Variants in CR1 observed in about 807,000 individuals in gnomAD.
CR1 encodes the protein complement receptor type 1.
Under a neutral mutation model 187.3 loss-of-function variants are expected in CR1, and 116 were observed. The ratio of observed to expected loss-of-function variants is 0.62; its 90% CI spans 0.53 to 0.72. The LOEUF is 0.72. Ranked by LOEUF, CR1 falls within the 30% of genes least tolerant of loss-of-function variation. CR1 has a pLI of 0.00. For synonymous variants in CR1, 576 were observed against 747.1 expected (o/e 0.77, Z 3.73); for missense variants, 1,731 against 2,110.7 (o/e 0.82, Z 3.52).
rs757543602 is a variant in CR1, at chr1:207,639,408, G to A, written c.7469G>A (p.Ter2490=). ...TNEENSRVLP[*] ...TCCTGTTATTTCAGGGTCCTTCCTTGACAAAGTACTATACAGCTGAAGAAC... is the reference window on the plus strand; with the variant it reads ...TCCTGTTATTTCAGGGTCCTTCCTTAACAAAGTACTATACAGCTGAAGAAC... The change falls in exon 47 of 47, where the codon TGA becomes TAA. Residue 2490 remains the stop codon, a stop_retained_variant. Coordinates refer to ENST00000367049, the MANE Select transcript of CR1 (RefSeq NM_000651.6). The A allele has an allele frequency of 2.5e-6, 4 of 1,598,632 alleles. No individual in the cohort carries two copies. The South Asian group carries it at 3.4e-5, about 14-fold the overall frequency.
chr1:207,589,862 A>T (rs640486), intron 35 of CR1, among the ~76,000 whole-genome samples: 10,680 of 152,264 alleles, frequency 0.07, 1,273 homozygotes, highest in African/African-American at 0.24. Flanking sequence ...GAAACAAAGG[A>T]TATCAGAGAT....
At chr1:207,624,020 G>C (rs1314428142) in intron 45 of CR1, among the ~76,000 whole-genome samples, 2 of 136,526 alleles carry the variant, frequency 1.5e-5, no homozygotes, top group Admixed American at 8.4e-5. Context: ...CTGCCTCCCA[G>C]ATTCAAGCGA....
intron 35 of CR1, among the ~76,000 whole-genome samples, chr1:207,606,155 G>C (rs1169333342): frequency 6.6e-6 from 1 of 152,154 alleles, no homozygotes; most frequent in South Asian, 2.1e-4. Flanking sequence ...TTCAAAATGA[G>C]AGCCCATCTT....
chr1:207,603,667 G>A (rs879536393), intron 35 of CR1, among the ~76,000 whole-genome samples: 4 of 151,906 alleles, frequency 2.6e-5, no homozygotes, highest in Middle Eastern at 3.2e-3. Flanking sequence ...TAATACTTAC[G>A]AACTATATTG....
chr1:207,603,365 G>A (rs924642550), intron 35 of CR1, among the ~76,000 whole-genome samples: 1 of 151,992 alleles, frequency 6.6e-6, no homozygotes. Flanking sequence ...ATGTTGTAGT[G>A]TAATTATGTT....
chr1:207,565,287 T>C lies in CR1; in HGVS notation c.3867-551T>C, dbSNP rs1021582819. Among the ~76,000 whole-genome samples, 3 of 150,316 alleles carry C rather than the reference T, an allele frequency of 2.0e-5. 1 individual carries two copies. Among genetic ancestry groups the C allele is most frequent in the African/African-American group, 7.6e-5 (3 of 39,734 alleles). ...ACAATTGCATACAAAAATCATGTCC[T>C]CTCTTCTTTCCTTTTTCCCCTAGAA... is the stretch of plus-strand genomic sequence containing the variant. On this transcript the variant is annotated intron_variant, in intron 23 of 46. Transcript: ENST00000367049.
At chr1:207,616,286 G>C (rs1238785016) in intron 40 of CR1, among the ~76,000 whole-genome samples, 2 of 152,010 alleles carry the variant, frequency 1.3e-5, no homozygotes, top group Non-Finnish European at 2.9e-5. Flanking sequence ...ACAACCAAAT[G>C]GGTGTTTTTA....
chr1:207,599,054 CA>C (rs1661531975), intron 35 of CR1: 1 of 151,986 alleles, frequency 6.6e-6, no homozygotes, highest in South Asian at 2.1e-4. Context: ...TTCTAGTATG[CA>C]AAAATACACC....
At chr1:207,632,281 C>T (rs1006871152) in intron 46 of CR1, among the ~76,000 whole-genome samples, 2 of 152,068 alleles carry the variant, frequency 1.3e-5, no homozygotes, top group African/African-American at 4.8e-5. Flanking sequence ...TGATCCTTCT[C>T]AAATGGGCAT....
chr1:207,601,509 G>T (rs1475735272), intron 35 of CR1, among the ~76,000 whole-genome samples: 1 of 152,060 alleles, frequency 6.6e-6, no homozygotes. Context: ...TTCCACAGCT[G>T]CTGTACCATT....
At chr1:207,508,725 T>G (rs1558215678) in intron 3 of CR1, among the ~76,000 whole-genome samples, 1 of 152,196 alleles carries the variant, frequency 6.6e-6, no homozygotes, top group African/African-American at 2.4e-5. Context: ...AAAAAGTTTT[T>G]TTTTTTTTTA....
In CR1 at chr1:207,523,783, T is replaced by A. The variant is rs564050886; in HGVS notation, c.660T>A (p.Asp220Glu). The A allele has an allele frequency of 1.8e-5, 29 of 1,611,738 alleles. No homozygotes were observed. The highest frequency in any genetic ancestry group is 2.7e-5 in the African/African-American group (2 of 74,826). ...EPSIYCTSND[D>E]QVGIWSGPAP... ...CCATATACTGCACCAGCAATGACGA[T>A]CAAGTGGGCATCTGGAGCGGCCCCG... The change falls in exon 5 of 47, where the codon GAT (aspartate) becomes GAA (glutamate). Residue 220 changes from aspartate (D) to glutamate (E), a missense_variant. Physicochemically the swap from Asp to Glu is conservative, Grantham distance 45. Coordinates refer to ENST00000367049, the MANE Select transcript of CR1 (RefSeq NM_000651.6).
intron 27 of CR1, among the ~76,000 whole-genome samples, chr1:207,573,095 C>G (rs534596557): frequency 1.3e-5 from 2 of 152,064 alleles, no homozygotes; most frequent in South Asian, 4.1e-4. Flanking sequence ...GGGGGAGACA[C>G]AATTCAACCT....
chr1:207,588,818 C>A (rs1414294284), intron 35 of CR1, 44 bp downstream of exon 35: 1 of 1,363,334 alleles, frequency 7.3e-7, no homozygotes. Context: ...TCCAGAACAG[C>A]AGAGCCAACT....
chr1:207,599,950 G>A (rs1336597613), intron 35 of CR1, among the ~76,000 whole-genome samples: 1 of 152,188 alleles, frequency 6.6e-6, no homozygotes, highest in Non-Finnish European at 1.5e-5. Flanking sequence ...AGGAGTAGAT[G>A]TTAACCTGGA....
At chr1:207,577,557 G>C (rs187120987) in intron 28 of CR1, among the ~76,000 whole-genome samples, 1 of 152,210 alleles carries the variant, frequency 6.6e-6, no homozygotes, top group African/African-American at 2.4e-5. Context: ...ATTGTTTGAG[G>C]CCAGGAGTTC....
intron 29 of CR1, among the ~76,000 whole-genome samples, chr1:207,579,930 T>A (rs614709): frequency 6.6e-6 from 1 of 151,988 alleles, no homozygotes; most frequent in African/African-American, 2.4e-5. Flanking sequence ...TCAGAGAAAT[T>A]GGGGGAAATC....
chr1:207,611,535 G>A (rs1661929063), intron 37 of CR1, 142 bp from the exon 38 acceptor site: 1 of 1,204,298 alleles, frequency 8.3e-7, no homozygotes, highest in African/African-American at 1.5e-5. Context: ...TTGTTAGTGA[G>A]ATGTGGCTAC....
At chr1:207,604,145 T>G (rs1661682928) in intron 35 of CR1, among the ~76,000 whole-genome samples, 1 of 152,356 alleles carries the variant, frequency 6.6e-6, no homozygotes, top group South Asian at 2.1e-4. Flanking sequence ...ATTTATCATG[T>G]TTATAAGGAA....
Sources: allele counts gnomAD v4.1 joint callset (sites outside exome capture counted in the v4.1 genomes callset), GRCh38; gene constraint gnomAD v4.1.1; transcripts MANE v1.5; gene names NCBI Gene and HGNC (gene_info 2026-07-23, HGNC 2026-07-21).